Variants in MEGF6 observed in about 807,000 individuals in gnomAD.
MEGF6 encodes multiple EGF like domains 6, also known as multiple epidermal growth factor-like domains protein 6.
Under a neutral mutation model 207.1 loss-of-function variants are expected in MEGF6, and 184 were observed. The ratio of observed to expected loss-of-function variants is 0.89; its 90% CI spans 0.79 to 1.00. The LOEUF is 1.00. Ranked by LOEUF, MEGF6 falls within the 50% of genes least tolerant of loss-of-function variation. The probability of loss-of-function intolerance (pLI) is 0.00; values close to 1 mark genes in which losing one functional copy is unlikely to be tolerated. For missense variants in MEGF6, 2,282 were observed against 2,202.9 expected, an observed-to-expected ratio of 1.04 and a Z score of -0.72; for synonymous variants, 1,038 against 910.0, an observed-to-expected ratio of 1.14 and a Z score of -2.53.
chr1:3,546,968 AG>A (rs1266891903), intron 4 of MEGF6: 2 of 168,664 alleles, frequency 1.2e-5, no homozygotes, highest in Admixed American at 1.4e-4. Context: ...AGGCCGAGGC[AG>A]GGTGGCAGTG....
chr1:3,511,999 C>A lies in MEGF6; in HGVS notation c.976+7G>T. ...CACCTTCAGCCTGTTGCCGGCTGCC[C>A]ACTCACGGTAGCACTGCCGGCCATC... On this transcript the variant is annotated splice_region_variant and intron_variant, in intron 8 of 36. Coordinates refer to ENST00000356575, the MANE Select transcript of MEGF6 (RefSeq NM_001409.4). 1.2e-6 allele frequency: 2 copies of A among 1,612,012 alleles called. No homozygotes were observed. The highest frequency in any genetic ancestry group is 1.7e-6 in the Non-Finnish European group (2 of 1,179,904).
chr1:3,557,044 A>G (rs1049975012), intron 4 of MEGF6, among the ~76,000 whole-genome samples: 2 of 152,182 alleles, frequency 1.3e-5, no homozygotes, highest in Admixed American at 6.5e-5. Context: ...AGGCAAGGAC[A>G]TCGCAGCAGC....
chr1:3,585,530 TGTG>T (rs1339810519), intron 3 of MEGF6, among the ~76,000 whole-genome samples: 1 of 130,522 alleles, frequency 7.7e-6, no homozygotes, highest in African/African-American at 3.0e-5. Flanking sequence ...CATGTCCTGT[TGTG>T]GGTGTGACAC....
rs74469838 is a variant in MEGF6 at position 3,594,867 on chromosome 1, C to T, written c.376+471G>A. 0.016 allele frequency among the ~76,000 whole-genome samples: 2,463 copies of T among 152,250 alleles called. 29 individuals are homozygous for T. The highest frequency in any genetic ancestry group is 0.024 in the Non-Finnish European group (1,635 of 68,006). ...GCTACATAACGGAGAGAGGAAGGAG[C>T]GGCTCCCTTACACCCACTGAAGCTG... On this transcript the variant is annotated intron_variant, in intron 3 of 36. Coordinates refer to ENST00000356575, the MANE Select transcript of MEGF6 (RefSeq NM_001409.4). This position sits in a 1 kb window ranked among gnomAD's most constrained non-coding sequence, Gnocchi z 4.2.
At chr1:3,503,448 TAAAGA>T (rs1012730260) in intron 17 of MEGF6, among the ~76,000 whole-genome samples, 4 of 151,722 alleles carry the variant, frequency 2.6e-5, no homozygotes, top group Non-Finnish European at 4.4e-5. Flanking sequence ...CACAGGCTCT[TAAAGA>T]AAAGAGGGGA....
intron 4 of MEGF6, among the ~76,000 whole-genome samples, chr1:3,539,730 G>C (rs988308771): frequency 8.5e-5 from 13 of 152,152 alleles, no homozygotes; most frequent in Non-Finnish European, 1.8e-4. Flanking sequence ...CCCTTGGCTT[G>C]GTGACAGAAG....
intron 4 of MEGF6, among the ~76,000 whole-genome samples, chr1:3,531,952 C>G (rs1470888981): frequency 6.6e-6 from 1 of 152,228 alleles, no homozygotes; most frequent in African/African-American, 2.4e-5. Flanking sequence ...CTGAGACACC[C>G]CCAGTCCCCA....
upstream of MEGF6, among the ~76,000 whole-genome samples, chr1:3,615,769 G>A (rs1644373174): frequency 6.6e-6 from 1 of 152,154 alleles, no homozygotes; most frequent in Non-Finnish European, 1.5e-5. Context: ...CTATCCAGTG[G>A]GCTCAGCTCT....
chr1:3,544,829 G>A (rs539539881), intron 4 of MEGF6, among the ~76,000 whole-genome samples: 15 of 152,326 alleles, frequency 9.8e-5, no homozygotes, highest in Admixed American at 4.6e-4. Context: ...GGCTTGGGCC[G>A]GGGAACAGCG....
At chr1:3,579,022 C>T (rs577653669) in intron 4 of MEGF6, among the ~76,000 whole-genome samples, 1 of 152,400 alleles carries the variant, frequency 6.6e-6, no homozygotes. Flanking sequence ...TCGCTCTGCC[C>T]TGGCATCTGC....
At chr1:3,541,550 C>T (rs776785406) in intron 4 of MEGF6, among the ~76,000 whole-genome samples, 6 of 152,198 alleles carry the variant, frequency 3.9e-5, no homozygotes, top group African/African-American at 1.2e-4. Flanking sequence ...CCAAATCAGG[C>T]CCCCTTGCCC....
intron 3 of MEGF6, among the ~76,000 whole-genome samples, chr1:3,590,356 G>C (rs142678999): frequency 6.6e-6 from 1 of 151,708 alleles, no homozygotes; most frequent in Admixed American, 6.6e-5. Flanking sequence ...ACCGGACCAG[G>C]ATAAAAGTGG....
chr1:3,524,816 T>C (rs1641899383), intron 4 of MEGF6, among the ~76,000 whole-genome samples: 1 of 152,084 alleles, frequency 6.6e-6, no homozygotes, highest in Admixed American at 6.5e-5. Flanking sequence ...ATGAGATTGT[T>C]CCGGATGAGG....
rs748370395 is a variant in MEGF6, at chr1:3,501,888, G to C, written c.2222C>G (p.Ser741Trp). 3 of 1,608,462 alleles carry C rather than the reference G, an allele frequency of 1.9e-6. No individual in the cohort carries two copies. The highest frequency in any genetic ancestry group is 1.3e-5 in the African/African-American group (1 of 74,680). ...CPVGTFGVNCSSSCSCGGAPC... is the reference protein window; with the variant it reads ...CPVGTFGVNCWSSCSCGGAPC... ...GGCCCCCCCACAGGAGCAGGAGCTC[G>C]AGCAGTTCACGCCAAACGTCCCCAC... Residue 741 changes from serine (S) to tryptophan (W), a missense_variant, in exon 18 of 37, where the codon TCG becomes TGG. Coordinates refer to ENST00000356575, the MANE Select transcript of MEGF6 (RefSeq NM_001409.4).
the MEGF6 span, among the ~76,000 whole-genome samples, chr1:3,619,464 A>C: frequency 1.3e-5 from 2 of 152,090 alleles, no homozygotes; most frequent in Non-Finnish European, 2.9e-5. Context: ...CCCCACCCAA[A>C]TGTCATCTCC....
At chr1:3,590,013 T>C (rs562516667) in intron 3 of MEGF6, among the ~76,000 whole-genome samples, 37 of 152,346 alleles carry the variant, frequency 2.4e-4, no homozygotes, top group African/African-American at 8.4e-4. Context: ...TCACAGCCCA[T>C]GGAGCTGGTG....
intron 3 of MEGF6, among the ~76,000 whole-genome samples, chr1:3,590,603 C>T (rs563099910): frequency 2.5e-3 from 375 of 152,352 alleles, no homozygotes; most frequent in Non-Finnish European, 4.0e-3. Context: ...TACACAAACA[C>T]GGCAGGGCTC....
At chr1:3,531,541 C>A (rs1642172622) in intron 4 of MEGF6, 1 of 1,011,348 alleles carries the variant, frequency 9.9e-7, no homozygotes, top group East Asian at 8.7e-5. Flanking sequence ...CCACCTCCCC[C>A]AGGGGGCCGC....
chr1:3,501,446 G>A, intron 18 of MEGF6, 138 bp from the exon 19 acceptor site: 1 of 1,311,072 alleles, frequency 7.6e-7, no homozygotes. Flanking sequence ...CCGGGGAGGG[G>A]AGAGGACCCG....
Sources: allele counts gnomAD v4.1 joint callset (sites outside exome capture counted in the v4.1 genomes callset), GRCh38; gene constraint gnomAD v4.1.1; non-coding constraint Gnocchi (gnomAD v3.1); transcripts MANE v1.5; gene names NCBI Gene and HGNC (gene_info 2026-07-23, HGNC 2026-07-21).